The following TMPRSS9 variants were observed in gnomAD, a reference collection of about 807,000 sequenced individuals.
TMPRSS9 encodes transmembrane protease serine 9.
Under a neutral mutation model 111.4 loss-of-function variants are expected in TMPRSS9, and 113 were observed. The observed-to-expected ratio is 1.01, with a 90% confidence interval of 0.87 to 1.19. TMPRSS9 has a LOEUF of 1.19. Ranked by LOEUF, TMPRSS9 falls within the 50% of genes most tolerant of loss-of-function variation. TMPRSS9 has a pLI of 0.00. For synonymous variants in TMPRSS9, 805 were observed against 659.1 expected (o/e 1.22, Z -3.39); for missense variants, 1,803 against 1,513.1 (o/e 1.19, Z -3.18).
At chr19:2,418,346 TTTCCCTCCCTCCCTC>T (rs1971325166) in intron 13 of TMPRSS9, among the ~76,000 whole-genome samples, 2 of 29,132 alleles carry the variant, frequency 6.9e-5, no homozygotes, top group African/African-American at 4.6e-4. Flanking sequence ...CTTCCCTCCC[TTTCCCTCCCTCCCTC>T]CCTTCCCTTC....
At chr19:2,388,931 C>T (rs1599284466), upstream of TMPRSS9, among the ~76,000 whole-genome samples, 2 of 151,458 alleles carry the variant, frequency 1.3e-5, no homozygotes, top group Admixed American at 6.6e-5. Flanking sequence ...GCCGAAAACT[C>T]GGTGTCCCTC....
intron 1 of TMPRSS9, among the ~76,000 whole-genome samples, chr19:2,360,786 A>T (rs1376094071): frequency 1.3e-5 from 2 of 151,410 alleles, no homozygotes. Context: ...TGGTGTGTAG[A>T]TGCACGTAGG....
chr19:2,393,639 C>T (rs1440031486), intron 1 of TMPRSS9, among the ~76,000 whole-genome samples: 1 of 152,094 alleles, frequency 6.6e-6, no homozygotes, highest in East Asian at 1.9e-4. Flanking sequence ...GTAGCTCACC[C>T]CGGTAATCCC....
At chr19:2,387,544 G>T (rs1170712481), upstream of TMPRSS9, among the ~76,000 whole-genome samples, 1 of 151,254 alleles carries the variant, frequency 6.6e-6, no homozygotes. Context: ...GGAAAGGAAG[G>T]GAAGGGAAAG....
chr19:2,385,158 GA>G (rs371390239), upstream of TMPRSS9, among the ~76,000 whole-genome samples: 6,569 of 128,904 alleles, frequency 0.051, 199 homozygotes, highest in African/African-American at 0.11. Flanking sequence ...GGAGCTCGCG[GA>G]GGGCGGGGCT....
intron 1 of TMPRSS9, among the ~76,000 whole-genome samples, chr19:2,390,314 C>T (rs1229039823): frequency 7.3e-6 from 1 of 137,730 alleles, no homozygotes; most frequent in African/African-American, 2.8e-5. Flanking sequence ...GATATCTCGG[C>T]TCACTGCAAG....
chr19:2,414,939 CTAT>C (rs779853887), intron 10 of TMPRSS9, among the ~76,000 whole-genome samples: 2 of 141,486 alleles, frequency 1.4e-5, no homozygotes, highest in East Asian at 4.5e-4. Context: ...AGTTGCATTC[CTAT>C]TTTTTTTTTT....
chr19:2,393,892 T>C (rs993304506), intron 1 of TMPRSS9, among the ~76,000 whole-genome samples: 6 of 75,576 alleles, frequency 7.9e-5, no homozygotes, highest in African/African-American at 3.5e-4. Context: ...AGGGAGACCA[T>C]GTCTCCAAAA....
chr19:2,368,789 T>G (rs1397971212), intron 1 of TMPRSS9, among the ~76,000 whole-genome samples: 1 of 114,904 alleles, frequency 8.7e-6, no homozygotes, highest in Non-Finnish European at 1.7e-5. Context: ...TTTTTTTTTT[T>G]TTTTTTTTTT....
At chr19:2,373,594 A>C (rs902488740) in intron 1 of TMPRSS9, among the ~76,000 whole-genome samples, 3 of 133,946 alleles carry the variant, frequency 2.2e-5, no homozygotes, top group Non-Finnish European at 5.1e-5. Flanking sequence ...CGAACTCCTG[A>C]CCTCAGGTGA....
chr19:2,410,928 G>T (rs1280252456), intron 9 of TMPRSS9, among the ~76,000 whole-genome samples: 4 of 152,102 alleles, frequency 2.6e-5, no homozygotes, highest in Non-Finnish European at 5.9e-5. Flanking sequence ...GTATGGGAAG[G>T]GTTGGTCTAT....
intron 17 of TMPRSS9, 21 bp downstream of exon 18, chr19:2,425,514 G>A (rs1267952144): frequency 6.5e-7 from 1 of 1,549,240 alleles, no homozygotes; most frequent in Non-Finnish European, 8.7e-7. Context: ...CCCCGGCCCA[G>A]GGGACCAGGT....
At position 2,381,626 on chromosome 19, in the gene TMPRSS9, T is replaced by G. The variant is rs575840645; in HGVS notation, c.-25-8135T>G. ...CCCCTGCCTTGCTCCATGCCGCCCCTGCCTCACTCCCCGCCACCCTGGTAC... is the reference window on the plus strand; with the variant it reads ...CCCCTGCCTTGCTCCATGCCGCCCCGGCCTCACTCCCCGCCACCCTGGTAC... On this transcript the variant is annotated intron_variant, in intron 1 of 17. Coordinates refer to the TMPRSS9 transcript ENST00000649857. 3.4e-5 allele frequency among the ~76,000 whole-genome samples: 5 copies of G among 146,564 alleles called. No individual in the cohort carries two copies. The South Asian group carries it at 9.3e-4, about 27-fold the overall frequency.
At chr19:2,424,823 T>G (rs1471423372) in intron 15 of TMPRSS9, among the ~76,000 whole-genome samples, 179 bp from the exon 17 acceptor site, 1 of 151,856 alleles carries the variant, frequency 6.6e-6, no homozygotes, top group Admixed American at 6.6e-5. Flanking sequence ...ACGGCTGCAG[T>G]TCCCGGTGCC....
rs1970265977 is a variant in TMPRSS9 at position 2,368,774 on chromosome 19, G to GTTTGTTTTTTTT, written c.-26+8417_-26+8418insGTTTTTTTTTTT. Among the ~76,000 whole-genome samples the GTTTGTTTTTTTT allele has an allele frequency of 3.1e-4, 22 of 70,368 alleles. 1 individual carries two copies. Among genetic ancestry groups the GTTTGTTTTTTTT allele is most frequent in the African/African-American group, 1.3e-3 (21 of 16,544 alleles). The allele number at this position is 70,368 out of a possible 152,430, so 46.2% of individuals were successfully genotyped here. A position where few individuals can be genotyped will look rare whatever the true frequency, so the allele number is the denominator to read the frequency against. On this transcript the variant is annotated intron_variant, in intron 1 of 17. Coordinates refer to the TMPRSS9 transcript ENST00000649857. The stretch of plus-strand genomic sequence containing the variant: ...TGCCAGGGCATCAAGGATAAACCCA[G>GTTTGTTTTTTTT]TTTTTTTTTTTTTTTTTTTTTTTTT...
chr19:2,376,699 C>T (rs951066304), intron 1 of TMPRSS9, among the ~76,000 whole-genome samples: 2 of 152,124 alleles, frequency 1.3e-5, no homozygotes, highest in African/African-American at 2.4e-5. Context: ...TCAAATGATC[C>T]GCTCTCCTTG....
chr19:2,394,577 G>T (rs192979986), intron 1 of TMPRSS9, among the ~76,000 whole-genome samples: 4 of 111,194 alleles, frequency 3.6e-5, no homozygotes, highest in Admixed American at 3.2e-4. Flanking sequence ...AATTCAGTCC[G>T]CCCACCAGGG....
chr19:2,362,876 ATG>A (rs1324401749), intron 1 of TMPRSS9, among the ~76,000 whole-genome samples: 1 of 148,426 alleles, frequency 6.7e-6, no homozygotes, highest in African/African-American at 2.5e-5. Flanking sequence ...TGAGGTTGTA[ATG>A]TGTGGTTGTG....
At chr19:2,418,223 A>G in intron 13 of TMPRSS9, 85 bp downstream of exon 14, 2 of 1,356,404 alleles carry the variant, frequency 1.5e-6, no homozygotes, top group South Asian at 1.3e-5. Flanking sequence ...GTGCAGACCT[A>G]GATTTTTTTC....
Sources: gnomAD v4.1 joint callset for allele counts (sites outside exome capture counted in the v4.1 genomes callset) on GRCh38, gnomAD v4.1.1 for gene constraint, MANE v1.5 for transcripts, NCBI Gene and HGNC (gene_info 2026-07-23, HGNC 2026-07-21) for gene names.